Variants in TENM3 observed in about 807,000 individuals in gnomAD.
TENM3 encodes the protein teneurin-3.
TENM3 carries 63 observed loss-of-function variants against 255.1 expected under a neutral mutation model. The ratio of observed to expected loss-of-function variants is 0.25; its 90% CI spans 0.20 to 0.30. The LOEUF (loss-of-function observed/expected upper bound fraction) is 0.30. Among genes scored for constraint, TENM3 ranks in the 10% least tolerant of loss-of-function variants. The probability of loss-of-function intolerance (pLI) is 1.00; values close to 1 mark genes in which losing one functional copy is unlikely to be tolerated. For missense variants in TENM3, 2,929 were observed against 3,461.1 expected, an observed-to-expected ratio of 0.85 and a Z score of 3.86; for synonymous variants, 1,306 against 1,322.3, an observed-to-expected ratio of 0.99 and a Z score of 0.27.
intron 3 of TENM3, among the ~76,000 whole-genome samples, chr4:182,449,858 T>A (rs746454178): frequency 6.6e-6 from 1 of 152,212 alleles, no homozygotes; most frequent in Non-Finnish European, 1.5e-5. Context: ...TTGGAAAAAC[T>A]TGTGCTGTAT....
chr4:181,820,498 C>CACAT, the TENM3 span, among the ~76,000 whole-genome samples: 1 of 151,682 alleles, frequency 6.6e-6, no homozygotes, highest in African/African-American at 2.4e-5. Flanking sequence ...CACACACACA[C>CACAT]ACACACACAC....
chr4:182,582,618 A>G (rs192868911), intron 3 of TENM3, among the ~76,000 whole-genome samples: 53 of 152,294 alleles, frequency 3.5e-4, no homozygotes, highest in Admixed American at 6.5e-4. Flanking sequence ...AAACAAAAAA[A>G]AACATATAAA....
intron 1 of TENM3, among the ~76,000 whole-genome samples, chr4:182,322,961 AAACACGAAG>A (rs1763149730): frequency 1.3e-5 from 2 of 152,194 alleles, no homozygotes; most frequent in Admixed American, 1.3e-4. Context: ...GGTGGGAGGA[AAACACGAAG>A]GGCTGAAGAT....
chr4:182,707,777 A>T (rs990531519), intron 12 of TENM3: 2 of 152,118 alleles, frequency 1.3e-5, no homozygotes, highest in Admixed American at 1.3e-4. Context: ...TGTTCCAGGG[A>T]TGGCTGTGTA....
chr4:181,623,074 G>A, the TENM3 span, among the ~76,000 whole-genome samples: 1 of 152,078 alleles, frequency 6.6e-6, no homozygotes, highest in Non-Finnish European at 1.5e-5. Flanking sequence ...ATAAATTGCT[G>A]TGGAAATAAG....
chr4:182,253,773 A>G (rs1758196071), intron 1 of TENM3, among the ~76,000 whole-genome samples: 2 of 152,226 alleles, frequency 1.3e-5, no homozygotes, highest in South Asian at 4.1e-4. Flanking sequence ...ATTTTGTTTA[A>G]ACGAAGTTCA....
chr4:181,854,534 T>A, the TENM3 span, among the ~76,000 whole-genome samples: 1 of 152,242 alleles, frequency 6.6e-6, no homozygotes, highest in South Asian at 2.1e-4. Flanking sequence ...TTGACTTTAC[T>A]ACACTGTTAA....
chr4:181,896,883 C>T, the TENM3 span, among the ~76,000 whole-genome samples: 1 of 152,180 alleles, frequency 6.6e-6, no homozygotes, highest in Non-Finnish European at 1.5e-5. Flanking sequence ...TGCAGCATCA[C>T]AGACCTCTTA....
the TENM3 span, among the ~76,000 whole-genome samples, chr4:181,522,444 A>T: frequency 6.6e-6 from 1 of 152,152 alleles, no homozygotes; most frequent in African/African-American, 2.4e-5. Context: ...AGAGCCTCCA[A>T]CCTTTTTTCT....
At chr4:182,774,334 T>TC (rs1409168418) in intron 23 of TENM3, among the ~76,000 whole-genome samples, 1 of 152,188 alleles carries the variant, frequency 6.6e-6, no homozygotes, top group Admixed American at 6.5e-5. Flanking sequence ...ATTCATTCCT[T>TC]CCCCAAATGG....
chr4:182,314,797 A>G (rs747655691), intron 1 of TENM3, among the ~76,000 whole-genome samples: 3 of 152,198 alleles, frequency 2.0e-5, no homozygotes, highest in African/African-American at 7.2e-5. Context: ...GTTTAAGTCT[A>G]TCATCTTGCT....
chr4:182,122,340 T>C, the TENM3 span, among the ~76,000 whole-genome samples: 3 of 152,226 alleles, frequency 2.0e-5, no homozygotes, highest in Non-Finnish European at 4.4e-5. Context: ...TCAACTGACT[T>C]TGTCCAGATC....
At chr4:182,510,584 G>T (rs901871544) in intron 3 of TENM3, among the ~76,000 whole-genome samples, 1 of 152,052 alleles carries the variant, frequency 6.6e-6, no homozygotes, top group Non-Finnish European at 1.5e-5. Context: ...TTATATTATG[G>T]ATAATGTGAA....
intron 3 of TENM3, among the ~76,000 whole-genome samples, chr4:182,444,023 T>C (rs553633876): frequency 6.6e-6 from 1 of 152,354 alleles, no homozygotes; most frequent in South Asian, 2.1e-4. Flanking sequence ...AATATGTCTA[T>C]TGTGGGTGGA....
chr4:182,593,236 C>G (rs1403810572), intron 3 of TENM3, among the ~76,000 whole-genome samples: 1 of 152,124 alleles, frequency 6.6e-6, no homozygotes, highest in Non-Finnish European at 1.5e-5. Context: ...CATTATTATT[C>G]AGGAGTAAGG....
intron 3 of TENM3, among the ~76,000 whole-genome samples, chr4:182,538,077 A>G (rs1050468557): frequency 3.3e-5 from 5 of 152,216 alleles, no homozygotes; most frequent in South Asian, 2.1e-4. Flanking sequence ...GCTTAAATAT[A>G]TACATTAATT....
At position 182,326,835 on chromosome 4, in the gene TENM3, G is replaced by A. The variant is rs1480002386; in HGVS notation, c.232+2583G>A. Reference sequence around the variant, plus strand: ...TGAAATAACAGGCCTGAGCCACCACGCCCAGCCCATTTTAGTCAATTTTGA... The same window carrying A: ...TGAAATAACAGGCCTGAGCCACCACACCCAGCCCATTTTAGTCAATTTTGA... On this transcript the variant is annotated intron_variant, in intron 2 of 27. Coordinates refer to ENST00000511685, the MANE Select transcript of TENM3 (RefSeq NM_001080477.4). Among the ~76,000 whole-genome samples, 4 of 152,100 alleles carry A rather than the reference G, an allele frequency of 2.6e-5. No individual in the cohort carries two copies. In the East Asian group the frequency reaches 7.7e-4, roughly 29 times the overall value.
chr4:182,029,961 A>ATTT, the TENM3 span, among the ~76,000 whole-genome samples: 1 of 128,302 alleles, frequency 7.8e-6, no homozygotes, highest in Non-Finnish European at 1.6e-5. Context: ...TGAAGTCTTC[A>ATTT]TTTTTTGGCC....
At chr4:182,175,564 T>C (rs552650078) in intron 1 of TENM3, among the ~76,000 whole-genome samples, 1 of 152,178 alleles carries the variant, frequency 6.6e-6, no homozygotes, top group South Asian at 2.1e-4. Flanking sequence ...CCCTCCTGCT[T>C]TTTCCCCTGC....
Sources: gnomAD v4.1 joint callset for allele counts (sites outside exome capture counted in the v4.1 genomes callset) on GRCh38, gnomAD v4.1.1 for gene constraint, MANE v1.5 for transcripts, NCBI Gene and HGNC (gene_info 2026-07-23, HGNC 2026-07-21) for gene names.